The following KCNAB1 variants were observed in gnomAD, a reference collection of about 807,000 sequenced individuals.
KCNAB1 encodes voltage-gated potassium channel subunit beta-1.
In KCNAB1, 35 loss-of-function variants were observed where a neutral mutation model predicts 64.6. The observed-to-expected ratio is 0.54, with a 90% confidence interval of 0.41 to 0.72. KCNAB1 has a LOEUF of 0.72. Ranked by LOEUF, KCNAB1 falls within the 30% of genes least tolerant of loss-of-function variation. The probability of loss-of-function intolerance (pLI) is 0.00; values close to 1 mark genes in which losing one functional copy is unlikely to be tolerated. For synonymous variants in KCNAB1, 177 were observed against 183.8 expected (o/e 0.96, Z 0.30); for missense variants, 401 against 512.9 (o/e 0.78, Z 2.11).
At chr3:156,471,311 A>G (rs1054061221) in intron 7 of KCNAB1, among the ~76,000 whole-genome samples, 3 of 152,234 alleles carry the variant, frequency 2.0e-5, no homozygotes, top group African/African-American at 7.2e-5. Flanking sequence ...TCTAAACAGT[A>G]TGGTTCTTGT....
intron 8 of KCNAB1, among the ~76,000 whole-genome samples, chr3:156,506,937 A>C (rs1470390537): frequency 6.6e-6 from 1 of 152,216 alleles, no homozygotes; most frequent in Non-Finnish European, 1.5e-5. Context: ...CTCATCATGA[A>C]CTATAGCCAT....
In KCNAB1 at chr3:156,441,800, G is replaced by A. The variant is rs1208210353; in HGVS notation, c.320-11099G>A. Among the ~76,000 whole-genome samples the A allele has an allele frequency of 2.6e-5, 4 of 152,122 alleles. No homozygotes were observed. The East Asian group carries it at 7.7e-4, about 29-fold the overall frequency. ...AAGAAATAATTTTAAACATTTAAAT[G>A]TCAGCAGGAGAAAATATGAGGAATT... is the stretch of plus-strand genomic sequence containing the variant. On this transcript the variant is annotated intron_variant, in intron 2 of 13. Coordinates refer to ENST00000490337, the MANE Select transcript of KCNAB1 (RefSeq NM_172160.3).
rs115205526 is a variant in KCNAB1 at position 156,286,461 on chromosome 3, C to T, written c.276-135155C>T. 8.0e-3 allele frequency among the ~76,000 whole-genome samples: 1,217 copies of T among 152,266 alleles called. 17 individuals are homozygous for T. The highest frequency in any genetic ancestry group is 0.028 in the African/African-American group (1,163 of 41,538). ...GGCTGCATAATTGAGTGTTTTCTGTCCCCTGTTGGCTGTGGTTTCCAATGG... is the reference window on the plus strand; with the variant it reads ...GGCTGCATAATTGAGTGTTTTCTGTTCCCTGTTGGCTGTGGTTTCCAATGG... On this transcript the variant is annotated intron_variant, in intron 1 of 13. Transcript: ENST00000490337.
At chr3:156,442,718 G>C (rs1717090655) in intron 2 of KCNAB1, among the ~76,000 whole-genome samples, 1 of 152,140 alleles carries the variant, frequency 6.6e-6, no homozygotes, top group Non-Finnish European at 1.5e-5. Flanking sequence ...TGAAAGACTG[G>C]GCTACCCTCT....
chr3:156,345,461 C>T (rs1724423419), intron 1 of KCNAB1, among the ~76,000 whole-genome samples: 2 of 152,256 alleles, frequency 1.3e-5, no homozygotes, highest in Admixed American at 6.5e-5. Flanking sequence ...GCCTACAAAG[C>T]TAAAGTGTTT....
chr3:156,446,170 G>A (rs552053768), intron 2 of KCNAB1: 2 of 152,298 alleles, frequency 1.3e-5, no homozygotes, highest in African/African-American at 2.4e-5. Flanking sequence ...TCAGCCCATA[G>A]CTCAAAGGAG....
intron 1 of KCNAB1, among the ~76,000 whole-genome samples, chr3:156,366,052 T>C (rs1725924719): frequency 6.6e-6 from 1 of 152,082 alleles, no homozygotes; most frequent in African/African-American, 2.4e-5. Flanking sequence ...TGAAAGAAAG[T>C]AGAAGTTTTG....
At chr3:156,534,135 T>C (rs1718888551) in intron 13 of KCNAB1, among the ~76,000 whole-genome samples, 1 of 152,126 alleles carries the variant, frequency 6.6e-6, no homozygotes, top group Admixed American at 6.5e-5. Context: ...CGAGTTGTGA[T>C]TGGGCCCCAC....
chr3:156,179,000 C>CA (rs200144513), intron 1 of KCNAB1, among the ~76,000 whole-genome samples: 10,894 of 107,332 alleles, frequency 0.1, 1,133 homozygotes, highest in Non-Finnish European at 0.14. Context: ...GACTCCGTCT[C>CA]AAAAAAAAAA....
In KCNAB1 at chr3:156,463,865, T is replaced by G. The variant is rs538162907; in HGVS notation, c.527+119T>G. ...TTGGCTTAGAGAGAGGGTTTTTTGT[T>G]TTTTTTTTGTTTTTTTCTCACACTA... On this transcript the variant is annotated intron_variant, in intron 6 of 13. Transcript: ENST00000490337. 44 of 661,318 alleles carry G rather than the reference T, an allele frequency of 6.7e-5. No homozygotes were observed. The African/African-American group carries it at 7.1e-4, about 11-fold the overall frequency. The allele number at this position is 661,318 out of a possible 1,614,324, so 41.0% of individuals were successfully genotyped here.
chr3:156,321,258 G>A (rs1409942196), intron 1 of KCNAB1, among the ~76,000 whole-genome samples: 2 of 152,160 alleles, frequency 1.3e-5, no homozygotes, highest in Non-Finnish European at 2.9e-5. Flanking sequence ...CTCAAGAATG[G>A]CTGCTGTTTG....
intron 1 of KCNAB1, chr3:156,176,028 G>T: frequency 1.2e-6 from 1 of 803,394 alleles, no homozygotes; most frequent in Middle Eastern, 2.3e-4. Flanking sequence ...GTGCTATTTT[G>T]CTTCCATCAG....
chr3:156,352,112 C>T (rs574440441), intron 1 of KCNAB1, among the ~76,000 whole-genome samples: 6 of 152,308 alleles, frequency 3.9e-5, no homozygotes, highest in African/African-American at 7.2e-5. Context: ...GGTCTGGAGT[C>T]GGAGGTGTCA....
intron 1 of KCNAB1, among the ~76,000 whole-genome samples, chr3:156,412,684 A>G (rs545026730): frequency 6.6e-6 from 1 of 152,368 alleles, no homozygotes; most frequent in African/African-American, 2.4e-5. Context: ...CTGATCAGAG[A>G]TAAACAGAGA....
At chr3:156,257,000 G>T (rs1016098897) in intron 1 of KCNAB1, among the ~76,000 whole-genome samples, 1 of 152,150 alleles carries the variant, frequency 6.6e-6, no homozygotes, top group Non-Finnish European at 1.5e-5. Flanking sequence ...GCCCCTTTAG[G>T]CTGAGAGGTG....
At chr3:156,414,759 G>A (rs1428417196) in intron 1 of KCNAB1, among the ~76,000 whole-genome samples, 2 of 152,182 alleles carry the variant, frequency 1.3e-5, no homozygotes, top group Non-Finnish European at 2.9e-5. Flanking sequence ...CTTTTCTGCT[G>A]CCTTAGATGC....
rs1169930493 is a variant in KCNAB1 at position 156,508,807 on chromosome 3, G to A, written c.659-5557G>A. On this transcript the variant is annotated intron_variant, in intron 8 of 13. Coordinates refer to ENST00000490337, the MANE Select transcript of KCNAB1 (RefSeq NM_172160.3). This position sits in a 1 kb window ranked among gnomAD's most constrained non-coding sequence, Gnocchi z 4.1. ...AGCCACCTGTGTGCTAGGGATACAGGGAGTATGTACGAGAGCTGCCTGTGG... is the reference window on the plus strand; with the variant it reads ...AGCCACCTGTGTGCTAGGGATACAGAGAGTATGTACGAGAGCTGCCTGTGG... 6.6e-6 allele frequency among the ~76,000 whole-genome samples: 1 copy of A among 152,224 alleles called. No homozygotes were observed. The highest frequency in any genetic ancestry group is 1.9e-4 in the East Asian group (1 of 5,202).
intron 1 of KCNAB1, among the ~76,000 whole-genome samples, chr3:156,156,043 T>A (rs532258586): frequency 6.6e-6 from 1 of 152,276 alleles, no homozygotes; most frequent in South Asian, 2.1e-4. Context: ...TACCTGTGTG[T>A]TTGACCTTAG....
intron 1 of KCNAB1, among the ~76,000 whole-genome samples, chr3:156,380,822 T>A (rs545905783): frequency 2.8e-4 from 42 of 152,146 alleles, no homozygotes; most frequent in Non-Finnish European, 5.4e-4. Flanking sequence ...ATAGATCTGG[T>A]CCCTGATTTT....
Sources: gnomAD v4.1 joint callset for allele counts (sites outside exome capture counted in the v4.1 genomes callset) on GRCh38, gnomAD v4.1.1 for gene constraint, Gnocchi (gnomAD v3.1) non-coding constraint, MANE v1.5 for transcripts, NCBI Gene and HGNC (gene_info 2026-07-23, HGNC 2026-07-21) for gene names.